Variants in TANC1 observed in about 807,000 individuals in gnomAD.
The protein encoded by TANC1 is tetratricopeptide repeat, ankyrin repeat and coiled-coil containing 1.
A neutral mutation model predicts 149.7 loss-of-function variants in TANC1; 77 were observed. The ratio of observed to expected loss-of-function variants is 0.51; its 90% CI spans 0.43 to 0.62. TANC1 has a LOEUF of 0.62. Among genes scored for constraint, TANC1 ranks in the 20% least tolerant of loss-of-function variants. The pLI is 0.00. For missense variants in TANC1, 1,985 were observed against 2,321.8 expected (o/e 0.85, Z 2.98); for synonymous variants, 854 against 925.0 (o/e 0.92, Z 1.39).
chr2:159,220,845 A>C (rs1387603212), intron 22 of TANC1, among the ~76,000 whole-genome samples: 1 of 152,104 alleles, frequency 6.6e-6, no homozygotes, highest in Admixed American at 6.6e-5. Flanking sequence ...GCTTCTGAAA[A>C]TGGTAGGATT....
Position 159,103,648 on chromosome 2 carries a change from C to A in TANC1, c.259+5814C>A, listed in dbSNP as rs1193842848. On this transcript the variant is annotated intron_variant, in intron 4 of 26. Transcript: ENST00000263635. ...GGCTCCCAGTTTCAGCCGCCTGGTG[C>A]GGATCCTAGAGATCATGGAGGTTCA... is the stretch of plus-strand genomic sequence containing the variant. Among the ~76,000 whole-genome samples the A allele has an allele frequency of 2.1e-5, 2 of 96,678 alleles. 1 individual carries two copies. Among genetic ancestry groups the A allele is most frequent in the Non-Finnish European group, 5.8e-5 (2 of 34,662 alleles). The allele number at this position is 96,678 out of a possible 152,430, so 63.4% of individuals were successfully genotyped here. A position where few individuals can be genotyped will look rare whatever the true frequency, so the allele number is the denominator to read the frequency against.
rs1338735860 is a variant in TANC1 at position 159,158,243 on chromosome 2, C to T, written c.683-5040C>T. Among the ~76,000 whole-genome samples, 4 of 151,926 alleles carry T rather than the reference C, an allele frequency of 2.6e-5. No homozygotes were observed. In the East Asian group the frequency reaches 7.7e-4, roughly 29 times the overall value. ...GTGCTGGTGGTGCATGCCTGTGGTC[C>T]CAGCTACTCAGGAGGCTGAGGTGGA... is the stretch of plus-strand genomic sequence containing the variant. On this transcript the variant is annotated intron_variant, in intron 7 of 26. Coordinates refer to ENST00000263635, the MANE Select transcript of TANC1 (RefSeq NM_033394.3).
intron 2 of TANC1, among the ~76,000 whole-genome samples, chr2:159,038,198 G>T (rs1355484736): frequency 6.6e-6 from 1 of 152,162 alleles, no homozygotes. Flanking sequence ...TTTGCCCATT[G>T]ATTTTGTATC....
intron 2 of TANC1, among the ~76,000 whole-genome samples, chr2:159,048,392 C>T (rs1055446432): frequency 2.0e-5 from 3 of 152,076 alleles, no homozygotes; most frequent in African/African-American, 7.3e-5. Context: ...CTTCCGTGAA[C>T]TGTCTATTAG....
chr2:158,980,230 C>G (rs74267594), intron 1 of TANC1, among the ~76,000 whole-genome samples: 1 of 151,730 alleles, frequency 6.6e-6, no homozygotes, highest in Non-Finnish European at 1.5e-5. Context: ...TATAAATATC[C>G]TGGAAGGGAA....
At chr2:159,128,746 G>A (rs2049762066) in intron 4 of TANC1, among the ~76,000 whole-genome samples, 1 of 152,090 alleles carries the variant, frequency 6.6e-6, no homozygotes, top group African/African-American at 2.4e-5. Context: ...CTAATTGCAT[G>A]TCACCTCATT....
At chr2:158,987,926 G>A (rs1482884076) in intron 1 of TANC1, among the ~76,000 whole-genome samples, 2 of 152,212 alleles carry the variant, frequency 1.3e-5, no homozygotes, top group African/African-American at 4.8e-5. Context: ...CAGCTAGAGA[G>A]TGTATTTAGG....
chr2:159,050,644 AAG>A (rs1161983767), intron 2 of TANC1, among the ~76,000 whole-genome samples: 1 of 152,214 alleles, frequency 6.6e-6, no homozygotes, highest in Non-Finnish European at 1.5e-5. Context: ...TATCTGTCAA[AAG>A]AGGATAATTA....
chr2:159,154,960 A>G (rs767250483), intron 7 of TANC1, among the ~76,000 whole-genome samples: 2 of 152,170 alleles, frequency 1.3e-5, no homozygotes, highest in Non-Finnish European at 2.9e-5. Flanking sequence ...ATTTTTTCTC[A>G]GTGACATTCC....
chr2:158,992,128 T>G (rs1013211697), intron 1 of TANC1, among the ~76,000 whole-genome samples: 2 of 152,112 alleles, frequency 1.3e-5, no homozygotes, highest in African/African-American at 4.8e-5. Context: ...TTTGGGAGGC[T>G]GAGACAGGCA....
At chr2:159,187,068 C>A (rs776148208) in intron 16 of TANC1, 44 bp downstream of exon 16, 1 of 1,605,954 alleles carries the variant, frequency 6.2e-7, no homozygotes, top group Non-Finnish European at 8.5e-7. Context: ...CAGCCCTGGC[C>A]GGCTGCTGGC....
chr2:159,010,887 GT>G (rs1338311443), intron 2 of TANC1, among the ~76,000 whole-genome samples: 1 of 151,904 alleles, frequency 6.6e-6, no homozygotes, highest in African/African-American at 2.4e-5. Context: ...GTCCATTTTG[GT>G]TTTTTTCTTT....
intron 4 of TANC1, among the ~76,000 whole-genome samples, chr2:159,115,018 TGTG>T (rs2048092558): frequency 6.6e-6 from 1 of 152,176 alleles, no homozygotes; most frequent in Admixed American, 6.5e-5. Flanking sequence ...GGACTAGAGA[TGTG>T]GTGGATATAA....
intron 2 of TANC1, among the ~76,000 whole-genome samples, chr2:159,051,695 T>C (rs984470727): frequency 2.3e-5 from 3 of 131,848 alleles, no homozygotes; most frequent in Non-Finnish European, 5.3e-5. Flanking sequence ...GTGTGTTTGC[T>C]GTTGGGTTGG....
At chr2:159,048,107 C>G (rs2041207939) in intron 2 of TANC1, among the ~76,000 whole-genome samples, 1 of 152,132 alleles carries the variant, frequency 6.6e-6, no homozygotes, top group African/African-American at 2.4e-5. Flanking sequence ...AAGGAAAGCA[C>G]AGTATAGTTG....
intron 19 of TANC1, among the ~76,000 whole-genome samples, chr2:159,208,488 G>A (rs931800949): frequency 6.6e-6 from 1 of 152,196 alleles, no homozygotes; most frequent in South Asian, 2.1e-4. Context: ...TTTTACAGTA[G>A]AGTTTGTAAC....
At chr2:159,099,218 T>C (rs759289917) in intron 4 of TANC1, among the ~76,000 whole-genome samples, 20 of 152,306 alleles carry the variant, frequency 1.3e-4, no homozygotes, top group Middle Eastern at 3.4e-3. Context: ...GGAACCTTTT[T>C]GGTATGAAGT....
At chr2:159,019,445 T>G (rs2038597359) in intron 2 of TANC1, among the ~76,000 whole-genome samples, 1 of 152,126 alleles carries the variant, frequency 6.6e-6, no homozygotes, top group South Asian at 2.1e-4. Flanking sequence ...GGCAACCTAA[T>G]TCAGTTAAAG....
intron 3 of TANC1, among the ~76,000 whole-genome samples, chr2:159,082,880 A>T (rs1482618708): frequency 6.6e-6 from 1 of 152,102 alleles, no homozygotes; most frequent in African/African-American, 2.4e-5. Context: ...GGCCCTTGTG[A>T]CTCAAATTCC....
Sources: allele counts gnomAD v4.1 joint callset (sites outside exome capture counted in the v4.1 genomes callset), GRCh38; gene constraint gnomAD v4.1.1; transcripts MANE v1.5; gene names NCBI Gene and HGNC (gene_info 2026-07-23, HGNC 2026-07-21).